MGAT4C: variants seen among roughly 807,000 people sequenced by gnomAD.
MGAT4C encodes MGAT4 family member C.
MGAT4C carries 19 observed loss-of-function variants against 40.1 expected under a neutral mutation model. The observed-to-expected ratio is 0.47, with a 90% CI of 0.33 to 0.70. The LOEUF (loss-of-function observed/expected upper bound fraction) is 0.70, where lower values mean the gene tolerates loss of function less well. Ranked by LOEUF, MGAT4C falls within the 30% of genes least tolerant of loss-of-function variation. MGAT4C has a pLI of 0.02. For synonymous variants in MGAT4C, 181 were observed against 187.1 expected, an observed-to-expected ratio of 0.97 and a Z score of 0.27; for missense variants, 491 against 563.2, an observed-to-expected ratio of 0.87 and a Z score of 1.30.
chr12:86,072,118 C>A lies in MGAT4C; in HGVS notation c.-56-22395G>T, dbSNP rs565614261. Among the ~76,000 whole-genome samples, 37 of 151,602 alleles carry A rather than the reference C, an allele frequency of 2.4e-4. No individual in the cohort carries two copies. In the South Asian group the frequency reaches 7.3e-3, roughly 30 times the overall value. ...TTAACACATTCTGTCCTCACAACAG[C>A]CATTTGAGATAGTTGCCATGATTAT... is the stretch of plus-strand genomic sequence containing the variant. On this transcript the variant is annotated intron_variant, in intron 1 of 4. Transcript: ENST00000611864.
At chr12:86,209,316 C>A (rs528147786) in intron 1 of MGAT4C, among the ~76,000 whole-genome samples, 1 of 151,974 alleles carries the variant, frequency 6.6e-6, no homozygotes, top group South Asian at 2.1e-4. Context: ...GAAAAAAAAT[C>A]TCTAAAATAA....
chr12:86,596,036 C>T (rs559773656), intron 2 of MGAT4C, among the ~76,000 whole-genome samples: 3 of 152,226 alleles, frequency 2.0e-5, no homozygotes, highest in South Asian at 4.1e-4. Context: ...ATTTACAGGG[C>T]TTTGACTCCT....
intron 1 of MGAT4C, among the ~76,000 whole-genome samples, chr12:86,112,285 C>CT (rs1877570099): frequency 6.6e-6 from 1 of 151,656 alleles, no homozygotes; most frequent in African/African-American, 2.4e-5. Flanking sequence ...TCTCGCCTCT[C>CT]TCTTCCTCAT....
intron 1 of MGAT4C, among the ~76,000 whole-genome samples, chr12:86,253,084 T>C (rs1952366861): frequency 6.6e-6 from 1 of 151,980 alleles, no homozygotes; most frequent in Non-Finnish European, 1.5e-5. Flanking sequence ...TGCAAATGAA[T>C]GTATCCTTTA....
intron 1 of MGAT4C, among the ~76,000 whole-genome samples, chr12:86,206,322 T>C (rs1220790456): frequency 6.6e-6 from 1 of 152,206 alleles, no homozygotes; most frequent in Non-Finnish European, 1.5e-5. Flanking sequence ...ATTCATAAAA[T>C]TGTGCTTGGA....
chr12:86,565,411 A>AAGG (rs1019305395), intron 2 of MGAT4C, among the ~76,000 whole-genome samples: 2 of 152,214 alleles, frequency 1.3e-5, no homozygotes, highest in African/African-American at 4.8e-5. Flanking sequence ...ATGGTTCTGC[A>AAGG]AGGTATGCAG....
intron 2 of MGAT4C, among the ~76,000 whole-genome samples, chr12:86,475,924 G>A (rs998770698): frequency 6.6e-6 from 1 of 151,782 alleles, no homozygotes; most frequent in Non-Finnish European, 1.5e-5. Flanking sequence ...TACTTTGTGT[G>A]TTTTTTATTG....
intron 1 of MGAT4C, among the ~76,000 whole-genome samples, chr12:86,221,918 T>C (rs929983198): frequency 2.1e-4 from 32 of 152,218 alleles, no homozygotes; most frequent in African/African-American, 7.7e-4. Flanking sequence ...CAACACTATA[T>C]ACATGCACAT....
In MGAT4C at chr12:86,682,819, T is replaced by A. The variant is rs1323879154; in HGVS notation, c.-229+44390A>T. ...AGTAACCTCCAGTTAAAAACTTTGA[T>A]TTGGATTCACTCTTCTCTCTAACTA... On this transcript the variant is annotated intron_variant, in intron 2 of 7. Coordinates refer to the MGAT4C transcript ENST00000548651. Among the ~76,000 whole-genome samples the A allele has an allele frequency of 4.0e-5, 6 of 151,826 alleles. No individual in the cohort carries two copies. The East Asian group carries it at 1.2e-3, about 29-fold the overall frequency.
intron 2 of MGAT4C, among the ~76,000 whole-genome samples, chr12:86,607,790 T>A (rs1962096388): frequency 6.6e-6 from 1 of 152,192 alleles, no homozygotes; most frequent in South Asian, 2.1e-4. Context: ...TCCATGAGGT[T>A]TGCCTGATTT....
At chr12:86,497,652 T>C (rs1455090418) in intron 2 of MGAT4C, among the ~76,000 whole-genome samples, 1 of 151,684 alleles carries the variant, frequency 6.6e-6, no homozygotes, top group Non-Finnish European at 1.5e-5. Flanking sequence ...GATAACTTTA[T>C]GGCGTTTCCA....
chr12:86,263,143 T>C (rs1394251249), intron 4 of MGAT4C, among the ~76,000 whole-genome samples: 2 of 152,146 alleles, frequency 1.3e-5, no homozygotes, highest in African/African-American at 2.4e-5. Flanking sequence ...AGATCAGTGA[T>C]ATGGGTCTAG....
At chr12:86,648,681 T>C (rs1236150757) in intron 2 of MGAT4C, among the ~76,000 whole-genome samples, 1 of 151,906 alleles carries the variant, frequency 6.6e-6, no homozygotes, top group African/African-American at 2.4e-5. Context: ...TCCTGAACTG[T>C]GATAAATAAG....
chr12:85,984,110 T>G (rs149505577), intron 3 of MGAT4C, among the ~76,000 whole-genome samples: 570 of 152,262 alleles, frequency 3.7e-3, no homozygotes, highest in African/African-American at 0.013. Flanking sequence ...CAGTCTCAAA[T>G]AAAAGATCAC....
At chr12:86,301,857 A>T (rs1953820468) in intron 4 of MGAT4C, among the ~76,000 whole-genome samples, 1 of 152,242 alleles carries the variant, frequency 6.6e-6, no homozygotes, top group South Asian at 2.1e-4. Context: ...AAAATGTACA[A>T]TCAAGGTTTA....
chr12:86,574,714 T>G (rs914667476), intron 2 of MGAT4C, among the ~76,000 whole-genome samples: 4 of 151,838 alleles, frequency 2.6e-5, no homozygotes, highest in African/African-American at 7.2e-5. Flanking sequence ...TAGTAATAAC[T>G]GCCTTCATTG....
At chr12:86,349,266 T>C (rs1384749981) in intron 3 of MGAT4C, among the ~76,000 whole-genome samples, 1 of 152,154 alleles carries the variant, frequency 6.6e-6, no homozygotes, top group Non-Finnish European at 1.5e-5. Flanking sequence ...CTTCCTACCC[T>C]TTTGTGGTCA....
chr12:86,467,398 C>T (rs537016184), intron 2 of MGAT4C, among the ~76,000 whole-genome samples: 41 of 152,188 alleles, frequency 2.7e-4, no homozygotes, highest in African/African-American at 8.9e-4. Flanking sequence ...AGTAGGTCCA[C>T]GTTAGCATTT....
chr12:86,393,515 A>G (rs1378979397), intron 3 of MGAT4C, among the ~76,000 whole-genome samples: 2 of 152,224 alleles, frequency 1.3e-5, no homozygotes, highest in African/African-American at 4.8e-5. Flanking sequence ...AGATTAAAGC[A>G]CTTTCTTCTA....
Sources: gnomAD v4.1 joint callset for allele counts (sites outside exome capture counted in the v4.1 genomes callset) on GRCh38, gnomAD v4.1.1 for gene constraint, MANE v1.5 for transcripts, NCBI Gene and HGNC (gene_info 2026-07-23, HGNC 2026-07-21) for gene names.